Variants in FSTL4 observed in about 807,000 individuals in gnomAD.
The protein encoded by FSTL4 is follistatin-related protein 4.
In FSTL4, 28 loss-of-function variants were observed where a neutral mutation model predicts 78.2. The ratio of observed to expected loss-of-function variants is 0.36; its 90% CI spans 0.27 to 0.49. The LOEUF is 0.49. Among genes scored for constraint, FSTL4 ranks in the 20% least tolerant of loss-of-function variants. The pLI is 0.98. For synonymous variants in FSTL4, 422 were observed against 440.5 expected, an observed-to-expected ratio of 0.96 and a Z score of 0.53; for missense variants, 922 against 1,084.9, an observed-to-expected ratio of 0.85 and a Z score of 2.11.
the FSTL4 span, among the ~76,000 whole-genome samples, chr5:133,801,586 G>A: frequency 4.6e-5 from 7 of 152,226 alleles, no homozygotes; most frequent in Admixed American, 3.3e-4. Flanking sequence ...GCCTCATGAA[G>A]CAGTTAGGGA....
At chr5:133,215,987 G>A (rs1750893332) in intron 13 of FSTL4, among the ~76,000 whole-genome samples, 1 of 152,142 alleles carries the variant, frequency 6.6e-6, no homozygotes, top group Non-Finnish European at 1.5e-5. Context: ...AAACACATCT[G>A]CAAAGTCCCT....
chr5:133,226,945 C>T (rs1003277655), intron 8 of FSTL4, among the ~76,000 whole-genome samples: 6 of 152,144 alleles, frequency 3.9e-5, no homozygotes, highest in Non-Finnish European at 2.9e-5. Context: ...AAAAGAAAAA[C>T]TCCACGGCCT....
chr5:133,259,508 AT>A (rs1453730582), intron 6 of FSTL4, among the ~76,000 whole-genome samples: 123 of 129,038 alleles, frequency 9.5e-4, no homozygotes, highest in East Asian at 5.2e-3. Context: ...GATCAGAAGG[AT>A]TTTTTTTTCT....
chr5:133,641,164 G>C, the FSTL4 span, among the ~76,000 whole-genome samples: 501 of 152,046 alleles, frequency 3.3e-3, 5 homozygotes, highest in African/African-American at 0.011. Flanking sequence ...TATTCCTAAG[G>C]GCTCATGGGA....
intron 3 of FSTL4, among the ~76,000 whole-genome samples, chr5:133,504,662 T>C (rs1169059278): frequency 6.6e-6 from 1 of 152,162 alleles, no homozygotes; most frequent in Non-Finnish European, 1.5e-5. Context: ...CCCTAACCCA[T>C]GCTGGCTCTT....
chr5:133,568,541 C>T (rs1007779640), intron 2 of FSTL4, among the ~76,000 whole-genome samples: 1 of 152,202 alleles, frequency 6.6e-6, no homozygotes, highest in Non-Finnish European at 1.5e-5. Context: ...GCAAAAAGCC[C>T]TGGTGGAGAT....
the FSTL4 span, among the ~76,000 whole-genome samples, chr5:133,701,417 A>AAAAG: frequency 7.5e-6 from 1 of 133,946 alleles, no homozygotes; most frequent in African/African-American, 3.0e-5. Flanking sequence ...AAAAAAAAAA[A>AAAAG]GAAAGAAAGA....
At chr5:133,793,805 C>G in the FSTL4 span, among the ~76,000 whole-genome samples, 1 of 152,216 alleles carries the variant, frequency 6.6e-6, no homozygotes, top group South Asian at 2.1e-4. Flanking sequence ...TTGGAGGGAA[C>G]CACAGGAGCA....
the FSTL4 span, among the ~76,000 whole-genome samples, chr5:133,676,170 T>A: frequency 6.6e-6 from 1 of 152,270 alleles, no homozygotes; most frequent in Non-Finnish European, 1.5e-5. Context: ...CTGCACATTA[T>A]ATTTGTTTTC....
chr5:133,612,779 A>C (rs568088595), upstream of FSTL4, among the ~76,000 whole-genome samples: 8 of 152,150 alleles, frequency 5.3e-5, no homozygotes, highest in South Asian at 1.7e-3. This position sits in a 1 kb window ranked among gnomAD's most constrained non-coding sequence, Gnocchi z 6.2. Flanking sequence ...GGAGCTCGGC[A>C]AGTGACAGCC....
In FSTL4 at chr5:133,285,004, G is replaced by A. The variant is rs187865237; in HGVS notation, c.727+27650C>T. ...GTGAGGTGGGAAATAGGGAGCCAGC[G>A]AAGGCTCTGGAGTAAGTGGGCACAA... On this transcript the variant is annotated intron_variant, in intron 6 of 15. Coordinates refer to ENST00000265342, the MANE Select transcript of FSTL4 (RefSeq NM_015082.2). Among the ~76,000 whole-genome samples the A allele has an allele frequency of 7.9e-5, 12 of 152,302 alleles. No individual in the cohort carries two copies. The South Asian group carries it at 1.9e-3, about 24-fold the overall frequency.
intron 3 of FSTL4, among the ~76,000 whole-genome samples, chr5:133,528,424 C>T (rs1455755329): frequency 6.6e-6 from 1 of 152,078 alleles, no homozygotes; most frequent in Non-Finnish European, 1.5e-5. Context: ...CCCCACTGGG[C>T]CATCTCCTTC....
At chr5:133,581,281 C>T (rs781423394) in intron 2 of FSTL4, among the ~76,000 whole-genome samples, 1 of 152,200 alleles carries the variant, frequency 6.6e-6, no homozygotes, top group Admixed American at 6.5e-5. Context: ...TACTTAGGAC[C>T]TGGCCCATCT....
intron 3 of FSTL4, among the ~76,000 whole-genome samples, chr5:133,420,231 C>G (rs564791402): frequency 6.6e-6 from 1 of 152,304 alleles, no homozygotes; most frequent in South Asian, 2.1e-4. Flanking sequence ...GAAATCAGAA[C>G]AGTGCTTGCC....
chr5:133,352,249 CACACAT>C (rs1754839880), intron 4 of FSTL4, among the ~76,000 whole-genome samples: 8 of 112,970 alleles, frequency 7.1e-5, no homozygotes, highest in African/African-American at 1.2e-4. Context: ...TATATATATA[CACACAT>C]ATATATATAC....
At position 133,220,916 on chromosome 5, in the gene FSTL4, G is replaced by A. The variant is rs778053204; in HGVS notation, c.1340-50C>T. 7 of 1,072,804 alleles carry A rather than the reference G, an allele frequency of 6.5e-6. No individual in the cohort carries two copies. The Admixed American group carries it at 1.0e-4, about 15-fold the overall frequency. The allele number at this position is 1,072,804 out of a possible 1,614,324, so 66.5% of individuals were successfully genotyped here. A position where few individuals can be genotyped will look rare whatever the true frequency, so the allele number is the denominator to read the frequency against. The stretch of plus-strand genomic sequence containing the variant: ...ATGCCCTCCAAGCAGTCGGCCCCTG[G>A]GCAGGGTCACACGCAGCATTGAACA... On this transcript the variant is annotated intron_variant, in intron 11 of 15. Coordinates refer to ENST00000265342, the MANE Select transcript of FSTL4 (RefSeq NM_015082.2).
chr5:133,385,847 C>T (rs756340770), intron 4 of FSTL4, among the ~76,000 whole-genome samples: 1 of 152,222 alleles, frequency 6.6e-6, no homozygotes, highest in Non-Finnish European at 1.5e-5. Context: ...ATGTCAGCTA[C>T]ACGTGCAGAA....
chr5:133,207,584 A>G (rs1339498472), intron 14 of FSTL4, among the ~76,000 whole-genome samples: 1 of 152,184 alleles, frequency 6.6e-6, no homozygotes, highest in Non-Finnish European at 1.5e-5. Context: ...TCTTATCCCA[A>G]TAAAATGAGG....
At chr5:133,688,130 C>T in the FSTL4 span, among the ~76,000 whole-genome samples, 19 of 152,130 alleles carry the variant, frequency 1.2e-4, no homozygotes, top group African/African-American at 3.6e-4. Flanking sequence ...GGTTCTAGGC[C>T]GGGCACAGGG....
Sources: allele counts gnomAD v4.1 joint callset (sites outside exome capture counted in the v4.1 genomes callset), GRCh38; gene constraint gnomAD v4.1.1; non-coding constraint Gnocchi (gnomAD v3.1); transcripts MANE v1.5; gene names NCBI Gene and HGNC (gene_info 2026-07-23, HGNC 2026-07-21).